The following EIF3C variants were observed in gnomAD, a reference collection of about 807,000 sequenced individuals.
EIF3C encodes cell migration-inducing protein 17.
A neutral mutation model predicts 11.1 loss-of-function variants in EIF3C; 2 were observed. That is an observed-to-expected ratio of 0.18 (90% CI 0.07 to 0.57). The LOEUF is 0.57. Among genes scored for constraint, EIF3C ranks in the 20% least tolerant of loss-of-function variants. The pLI is 0.92. For synonymous variants in EIF3C, 2 were observed against 41.5 expected (o/e 0.05, Z 3.66); for missense variants, 16 against 114.6 (o/e 0.14, Z 3.93).
At chr16:28,728,790 A>C (rs2151800407) in intron 15 of EIF3C, among the ~76,000 whole-genome samples, 1 of 28,876 alleles carries the variant, frequency 3.5e-5, no homozygotes, top group East Asian at 5.3e-4. Context: ...AGCCTCCCAA[A>C]GTGCTGGGAT....
Position 28,723,451 on chromosome 16 carries a change from A to C in EIF3C, c.940A>C (p.Lys314Gln), listed in dbSNP as rs1346373486. The C allele has an allele frequency of 6.2e-7, 1 of 1,611,224 alleles. No individual in the cohort carries two copies. The highest frequency in any genetic ancestry group is 8.5e-7 in the Non-Finnish European group (1 of 1,178,216). ...VRGGVPLVKE[K>Q]PKMFAKGTEI... is the part of the protein sequence containing the mutation. ...GACGGGATATGTGCTGATACAGGAGAAGCCAAAAATGTTTGCCAAGGGAAC... is the reference window on the plus strand; with the variant it reads ...GACGGGATATGTGCTGATACAGGAGCAGCCAAAAATGTTTGCCAAGGGAAC... The change falls in exon 10 of 21, where the codon AAG becomes CAG. Residue 314 changes from lysine to glutamine, a missense_variant. By Grantham distance (53) the Lys-to-Gln change is moderately conservative. Transcript: ENST00000331666.
chr16:28,699,252 C>A (rs1596704533), intron 1 of EIF3C, among the ~76,000 whole-genome samples: 2 of 48,922 alleles, frequency 4.1e-5, no homozygotes, highest in Admixed American at 3.8e-4. Flanking sequence ...TGGCGGATCA[C>A]TCGCGGTTAG....
chr16:28,698,003 C>A (rs2048250687), intron 1 of EIF3C, among the ~76,000 whole-genome samples: 1 of 52,524 alleles, frequency 1.9e-5, no homozygotes, highest in Admixed American at 1.6e-4. Context: ...GGGGGCTGAC[C>A]CCCCCCACCT....
chr16:28,693,223 T>G lies in EIF3C; in HGVS notation c.-31+4395T>G, dbSNP rs1301753910. The stretch of plus-strand genomic sequence containing the variant: ...TTTTTGAGACACGGTCTTGCTCTGG[T>G]GCCCAGGCCAGAGTGCAGTGGCACC... On this transcript the variant is annotated intron_variant, in intron 1 of 20. Coordinates refer to the EIF3C transcript ENST00000566501. 6.2e-5 allele frequency among the ~76,000 whole-genome samples: 2 copies of G among 32,078 alleles called. 1 individual carries two copies. The highest frequency in any genetic ancestry group is 3.6e-4 in the African/African-American group (2 of 5,506). The allele number at this position is 32,078 out of a possible 152,430, so 21.0% of individuals were successfully genotyped here.
chr16:28,700,052 G>C, intron 1 of EIF3C: 1 of 67,206 alleles, frequency 1.5e-5, no homozygotes. Context: ...TGATGCTGAT[G>C]GGGCGCTGTG....
At position 28,723,177 on chromosome 16, in the gene EIF3C, G is replaced by A. The variant is rs201924432; in HGVS notation, c.790G>A (p.Asp264Asn). 7 of 1,613,992 alleles carry A rather than the reference G, an allele frequency of 4.3e-6. No individual in the cohort carries two copies. The Admixed American group carries it at 1.2e-4, about 27-fold the overall frequency. ...GTCTGTCGGCAGGGCACCCACCACAGATGAGGACAAGAAGGCAGCCGAGAA... is the reference window on the plus strand; with the variant it reads ...GTCTGTCGGCAGGGCACCCACCACAAATGAGGACAAGAAGGCAGCCGAGAA... ...SRFLKKAPTT[D>N]EDKKAAEKKR... is the part of the protein sequence containing the mutation. Residue 264 changes from aspartate to asparagine, a missense_variant, in exon 9 of 21, where the codon GAT (aspartate) becomes AAT (asparagine). Transcript: ENST00000331666.
At chr16:28,697,956 G>A (rs2048249402) in intron 1 of EIF3C, among the ~76,000 whole-genome samples, 1 of 88,402 alleles carries the variant, frequency 1.1e-5, no homozygotes, top group Non-Finnish European at 2.2e-5. Context: ...GGGCAGAGGC[G>A]CCCCTCACCT....
chr16:28,698,456 A>G lies in EIF3C; in HGVS notation c.-31+9628A>G, dbSNP rs1410945219. Among the ~76,000 whole-genome samples, 2 of 53,284 alleles carry G rather than the reference A, an allele frequency of 3.8e-5. 1 individual carries two copies. Among genetic ancestry groups the G allele is most frequent in the East Asian group, 1.6e-3 (2 of 1,270 alleles). The allele number at this position is 53,284 out of a possible 152,430, so 35.0% of individuals were successfully genotyped here. A position where few individuals can be genotyped will look rare whatever the true frequency, so the allele number is the denominator to read the frequency against. ...GCTGACCCCCCCACCTCCCTCCCGG[A>G]TGGCACGGCTGGCCAGGCGGAGGGG... is the stretch of plus-strand genomic sequence containing the variant. On this transcript the variant is annotated intron_variant, in intron 1 of 20. Coordinates refer to the EIF3C transcript ENST00000566501.
intron 1 of EIF3C, among the ~76,000 whole-genome samples, chr16:28,698,476 GA>G (rs1236366096): frequency 5.4e-5 from 4 of 74,450 alleles, no homozygotes; most frequent in African/African-American, 1.2e-4. Context: ...TGGCCAGGCG[GA>G]GGGGCTGACC....
At chr16:28,728,043 AC>A (rs2048398247) in intron 15 of EIF3C, among the ~76,000 whole-genome samples, 1 of 49,200 alleles carries the variant, frequency 2.0e-5, no homozygotes, top group East Asian at 3.5e-4. Context: ...ATAGGGTTTC[AC>A]CATGTTGGCC....
chr16:28,696,123 T>C (rs1475003641), intron 1 of EIF3C, among the ~76,000 whole-genome samples: 1 of 51,742 alleles, frequency 1.9e-5, no homozygotes, highest in Non-Finnish European at 3.5e-5. Flanking sequence ...CCTAGCATTT[T>C]GGGAGGCCGA....
At chr16:28,698,505 A>G (rs2048258883) in intron 1 of EIF3C, among the ~76,000 whole-genome samples, 1 of 77,382 alleles carries the variant, frequency 1.3e-5, no homozygotes, top group African/African-American at 1.2e-4. Flanking sequence ...TCCCTCCCGG[A>G]TGGGGCGGCT....
chr16:28,700,833 C>G (rs1320848137), intron 1 of EIF3C: 27 of 173,740 alleles, frequency 1.6e-4, no homozygotes, highest in Non-Finnish European at 2.1e-4. Context: ...GATCAGCACA[C>G]CAGATGACCA....
intron 1 of EIF3C, chr16:28,700,639 G>A: frequency 4.4e-6 from 1 of 228,386 alleles, no homozygotes; most frequent in Non-Finnish European, 8.0e-6. Context: ...GCTCCGTGGA[G>A]GCTTCCAGCT....
At chr16:28,698,175 G>C (rs1241420623) in intron 1 of EIF3C, among the ~76,000 whole-genome samples, 4 of 103,696 alleles carry the variant, frequency 3.9e-5, no homozygotes, top group Non-Finnish European at 6.1e-5. Flanking sequence ...CCGGGCAGAG[G>C]GGCTCCTCAC....
At chr16:28,697,779 C>T (rs1399835772) in intron 1 of EIF3C, among the ~76,000 whole-genome samples, 2 of 96,776 alleles carry the variant, frequency 2.1e-5, no homozygotes, top group African/African-American at 1.4e-4. Context: ...GGCAGAGGCG[C>T]CCCTCACCTC....
At chr16:28,729,754 A>C (rs539036967) in intron 15 of EIF3C, among the ~76,000 whole-genome samples, 1,524 of 140,482 alleles carry the variant, frequency 0.011, 60 homozygotes, top group African/African-American at 0.037. Flanking sequence ...CAAGTCCCAT[A>C]CTATCTTCAT....
intron 1 of EIF3C, among the ~76,000 whole-genome samples, chr16:28,704,718 T>TA (rs1167163244): frequency 4.3e-5 from 2 of 46,724 alleles, no homozygotes; most frequent in Admixed American, 4.7e-4. Context: ...TTGTCTCTAG[T>TA]AAAAAAAAAT....
At position 28,712,319 on chromosome 16, in the gene EIF3C, C is replaced by CT. The variant is rs1183875795; in HGVS notation, c.101+542dup. On this transcript the variant is annotated intron_variant, in intron 2 of 20. Transcript: ENST00000331666. Reference sequence around the variant, plus strand: ...AACAATAGAATGGTTTTTCTTTTTCCTTTTTTTTTTCTTTTTTTGAGGGGT... The same window carrying CT: ...AACAATAGAATGGTTTTTCTTTTTCCTTTTTTTTTTTCTTTTTTTGAGGGGT... 21 of 54,576 alleles carry CT rather than the reference C, an allele frequency of 3.8e-4. 1 individual carries two copies. The highest frequency in any genetic ancestry group is 8.8e-3 in the Middle Eastern group (1 of 114). 3.4% of individuals were successfully genotyped at this position (54,576 alleles called of 1,614,324 possible).
Sources: gnomAD v4.1 joint callset for allele counts (sites outside exome capture counted in the v4.1 genomes callset) on GRCh38, gnomAD v4.1.1 for gene constraint, MANE v1.5 for transcripts, NCBI Gene and HGNC (gene_info 2026-07-23, HGNC 2026-07-21) for gene names.